Variants in EREG observed in about 807,000 individuals in gnomAD.
EREG encodes proepiregulin.
In EREG, 23 loss-of-function variants were observed where a neutral mutation model predicts 22.4. That is an observed-to-expected ratio of 1.03 (90% CI 0.74 to 1.46). The LOEUF is 1.46. Ranked by LOEUF, EREG falls within the 40% of genes most tolerant of loss-of-function variation. The pLI, the probability that EREG is intolerant of heterozygous loss-of-function variation, is 0.00. For missense variants in EREG, 226 were observed against 205.9 expected, an observed-to-expected ratio of 1.10 and a Z score of -0.60; for synonymous variants, 100 against 75.4, an observed-to-expected ratio of 1.33 and a Z score of -1.69.
chr4:74,378,202 T>C (rs1578820533), intron 1 of EREG, among the ~76,000 whole-genome samples: 1 of 152,130 alleles, frequency 6.6e-6, no homozygotes, highest in South Asian at 2.1e-4. Flanking sequence ...TTAGATAGGA[T>C]ATATTCTGAT....
chr4:74,383,781 A>G (rs1268500101), intron 4 of EREG, among the ~76,000 whole-genome samples: 1 of 152,194 alleles, frequency 6.6e-6, no homozygotes, highest in African/African-American at 2.4e-5. Flanking sequence ...CTAAGTATCC[A>G]TCAAATAATA....
intron 1 of EREG, among the ~76,000 whole-genome samples, chr4:74,375,101 T>C (rs922242684): frequency 2.0e-5 from 3 of 152,118 alleles, no homozygotes; most frequent in Non-Finnish European, 4.4e-5. Flanking sequence ...CTATCTAAAA[T>C]ATTTAGTATC....
chr4:74,378,701 C>T (rs1048055595), intron 1 of EREG, among the ~76,000 whole-genome samples: 1 of 152,184 alleles, frequency 6.6e-6, no homozygotes, highest in African/African-American at 2.4e-5. Context: ...TGTGAAATTA[C>T]AAGGGTTCTT....
chr4:74,379,767 G>GAAC, intron 2 of EREG, among the ~76,000 whole-genome samples: 1 of 152,262 alleles, frequency 6.6e-6, no homozygotes, highest in South Asian at 2.1e-4. Context: ...AAGAGATAGG[G>GAAC]AACAACAACA....
chr4:74,379,623 T>A lies in EREG; in HGVS notation c.154+89T>A, dbSNP rs1206097026. Reference sequence around the variant, plus strand: ...CAAAGACTATAAGTATGTGATAATTTTTTAAAAAAGGGTAAGAATAGCTGC... The same window carrying A: ...CAAAGACTATAAGTATGTGATAATTATTTAAAAAAGGGTAAGAATAGCTGC... On this transcript the variant is annotated intron_variant, in intron 2 of 4. Coordinates refer to ENST00000244869, the MANE Select transcript of EREG (RefSeq NM_001432.3). 7.6e-6 allele frequency: 6 copies of A among 793,866 alleles called. No individual in the cohort carries two copies. In the Admixed American group the frequency reaches 1.1e-4, roughly 14 times the overall value. 49.2% of individuals were successfully genotyped at this position (793,866 alleles called of 1,614,324 possible).
rs778394820 is a variant in EREG at position 74,379,515 on chromosome 4, T to G, written c.135T>G (p.Ser45Arg). ...CATCATGTATCCCAGGAGAGTCCAGTGATAACTGCACAGCTTTAGGTAAGC... is the reference window on the plus strand; with the variant it reads ...CATCATGTATCCCAGGAGAGTCCAGGGATAACTGCACAGCTTTAGGTAAGC... ...VIPSCIPGES[S>R]DNCTALVQTE... Residue 45 changes from serine (S) to arginine (R), a missense_variant, in exon 2 of 5, where the codon AGT becomes AGG. Physicochemically the swap from Ser to Arg is moderately radical, Grantham distance 110 (BLOSUM62 -1). Transcript: ENST00000244869. The G allele has an allele frequency of 1.6e-5, 26 of 1,608,284 alleles. No individual in the cohort carries two copies. The South Asian group carries it at 2.7e-4, about 17-fold the overall frequency.
In EREG at chr4:74,381,031, C is replaced by T. The variant is rs751662634; in HGVS notation, c.172C>T (p.Pro58Ser). 1 of 1,613,384 alleles carries T rather than the reference C, an allele frequency of 6.2e-7. No individual in the cohort carries two copies. The highest frequency in any genetic ancestry group is 8.5e-7 in the Non-Finnish European group (1 of 1,179,686). Residue 58 changes from proline to serine, a missense_variant, in exon 3 of 5, where the codon CCA (proline) becomes TCA (serine). Transcript: ENST00000244869. ...TTTTACAGTTCAGACAGAAGACAAT[C>T]CACGTGTGGCTCAAGTGTCAATAAC... ...CTALVQTEDN[P>S]RVAQVSITKC...
chr4:74,384,813 C>T lies in EREG; in HGVS notation c.*5C>T, dbSNP rs372115806. ...CCAGAGTTGCCGCAAGTCTGAATGG[C>T]GCCATCAAACTTATGGGCAGGGATA... On this transcript the variant is annotated 3_prime_UTR_variant, in exon 5 of 5. Coordinates refer to ENST00000244869, the MANE Select transcript of EREG (RefSeq NM_001432.3). 53 of 1,584,296 alleles carry T rather than the reference C, an allele frequency of 3.3e-5. No individual in the cohort carries two copies. The highest frequency in any genetic ancestry group is 2.2e-4 in the East Asian group (10 of 44,712).
chr4:74,384,813 C>A lies in EREG; in HGVS notation c.*5C>A, dbSNP rs372115806. ...CCAGAGTTGCCGCAAGTCTGAATGG[C>A]GCCATCAAACTTATGGGCAGGGATA... is the stretch of plus-strand genomic sequence containing the variant. On this transcript the variant is annotated 3_prime_UTR_variant, in exon 5 of 5. Coordinates refer to ENST00000244869, the MANE Select transcript of EREG (RefSeq NM_001432.3). 7.3e-5 allele frequency: 116 copies of A among 1,584,178 alleles called. No homozygotes were observed. The highest frequency in any genetic ancestry group is 9.7e-5 in the Non-Finnish European group (112 of 1,153,704).
chr4:74,380,269 C>CTTTT (rs35548685), intron 2 of EREG, among the ~76,000 whole-genome samples: 7 of 148,638 alleles, frequency 4.7e-5, no homozygotes, highest in Non-Finnish European at 3.0e-5. Flanking sequence ...TCCGCATCAT[C>CTTTT]TTTTTTTTTT....
chr4:74,379,541 C>A lies in EREG; in HGVS notation c.154+7C>A. The stretch of plus-strand genomic sequence containing the variant: ...GATAACTGCACAGCTTTAGGTAAGC[C>A]CAAGTTTGTCAATGTGGCATCAAGA... On this transcript the variant is annotated splice_region_variant and intron_variant, in intron 2 of 4. Transcript: ENST00000244869. 6.4e-7 allele frequency: 1 copy of A among 1,552,848 alleles called. No homozygotes were observed. Among genetic ancestry groups the A allele is most frequent in the Non-Finnish European group, 8.9e-7 (1 of 1,125,258 alleles).
intron 3 of EREG, chr4:74,381,954 C>T (rs1416226519): frequency 2.4e-4 from 30 of 127,124 alleles, no homozygotes; most frequent in African/African-American, 8.5e-4. Context: ...CACTGTACTC[C>T]AGCCTGGGCA....
intron 1 of EREG, among the ~76,000 whole-genome samples, chr4:74,379,118 T>C (rs1752432230): frequency 6.6e-6 from 1 of 152,208 alleles, no homozygotes; most frequent in Non-Finnish European, 1.5e-5. Context: ...CATGATGGAA[T>C]AAAACAGTGG....
rs60535239 is a variant in EREG at position 74,385,896 on chromosome 4, C to T, written c.*1088C>T. 1,172 of 396,640 alleles carry T rather than the reference C, an allele frequency of 3.0e-3. 17 individuals carry two copies. Among genetic ancestry groups the T allele is most frequent in the African/African-American group, 0.022 (1,093 of 48,598 alleles). The allele number at this position is 396,640 out of a possible 1,614,324, so 24.6% of individuals were successfully genotyped here. A position where few individuals can be genotyped will look rare whatever the true frequency, so the allele number is the denominator to read the frequency against. On this transcript the variant is annotated 3_prime_UTR_variant, in exon 5 of 5. Transcript: ENST00000244869. ...TAAAGTTATGTATTTAAAGTTGTATCTTGACACAGGAAATGGGAAAAAACT... is the reference window on the plus strand; with the variant it reads ...TAAAGTTATGTATTTAAAGTTGTATTTTGACACAGGAAATGGGAAAAAACT...
At chr4:74,371,621 A>G (rs1182077427) in intron 1 of EREG, among the ~76,000 whole-genome samples, 1 of 152,112 alleles carries the variant, frequency 6.6e-6, no homozygotes, top group Non-Finnish European at 1.5e-5. Context: ...AATGTCTTCC[A>G]TTCCTTTAAA....
intron 1 of EREG, among the ~76,000 whole-genome samples, chr4:74,371,911 C>T (rs1167736934): frequency 6.6e-6 from 1 of 151,546 alleles, no homozygotes; most frequent in Non-Finnish European, 1.5e-5. Flanking sequence ...CTCTCCTTTC[C>T]TTACCACCCT....
Position 74,382,606 on chromosome 4 carries a change from T to C in EREG, c.279-39T>C, listed in dbSNP as rs776523549. The stretch of plus-strand genomic sequence containing the variant: ...TAATTCATAACCATGATTTCCTTTT[T>C]AAGTAACTGATCTTTCTTTCTTCCG... On this transcript the variant is annotated intron_variant, in intron 3 of 4. Coordinates refer to ENST00000244869, the MANE Select transcript of EREG (RefSeq NM_001432.3). 1.1e-5 allele frequency: 17 copies of C among 1,524,078 alleles called. No individual in the cohort carries two copies. In the East Asian group the frequency reaches 2.3e-4, roughly 20 times the overall value. 94.4% of individuals were successfully genotyped at this position (1,524,078 alleles called of 1,614,324 possible).
chr4:74,377,268 G>A (rs898045578), intron 1 of EREG, among the ~76,000 whole-genome samples: 4 of 151,630 alleles, frequency 2.6e-5, no homozygotes, highest in East Asian at 3.9e-4. Context: ...TCAAGATCAC[G>A]TAGCTCAAGT....
At position 74,365,210 on chromosome 4, in the gene EREG, C is replaced by A; in HGVS notation, c.-99C>A. On this transcript the variant is annotated 5_prime_UTR_variant, in exon 1 of 5. Transcript: ENST00000244869. ...GTGGGGTCCCTTCTAGGCTGACAGC[C>A]GCTCTCCAGCCACTGCCGCGAGCCC... 1.1e-6 allele frequency: 1 copy of A among 904,238 alleles called. No homozygotes were observed. The highest frequency in any genetic ancestry group is 1.8e-6 in the Non-Finnish European group (1 of 569,844). 56.0% of individuals were successfully genotyped at this position (904,238 alleles called of 1,614,324 possible).
Sources: allele counts gnomAD v4.1 joint callset (sites outside exome capture counted in the v4.1 genomes callset), GRCh38; gene constraint gnomAD v4.1.1; transcripts MANE v1.5; gene names NCBI Gene and HGNC (gene_info 2026-07-23, HGNC 2026-07-21).